TFB1M: variants seen among roughly 807,000 people sequenced by gnomAD.
TFB1M encodes the protein dimethyladenosine transferase 1, mitochondrial.
TFB1M carries 27 observed loss-of-function variants against 31.1 expected under a neutral mutation model. That is an observed-to-expected ratio of 0.87 (90% confidence interval 0.64 to 1.20). The LOEUF is 1.20. Ranked by LOEUF, TFB1M falls within the 50% of genes most tolerant of loss-of-function variation. The pLI, the probability that TFB1M is intolerant of heterozygous loss-of-function variation, is 0.00. For missense variants in TFB1M, 394 were observed against 418.7 expected, an observed-to-expected ratio of 0.94 and a Z score of 0.51; for synonymous variants, 166 against 151.8, an observed-to-expected ratio of 1.09 and a Z score of -0.69.
the TFB1M span, among the ~76,000 whole-genome samples, chr6:155,247,185 T>G: frequency 6.6e-6 from 1 of 152,218 alleles, no homozygotes; most frequent in Admixed American, 6.5e-5. Flanking sequence ...GAAAAGACAC[T>G]GCTTTCCAGA....
intron 5 of TFB1M, chr6:155,276,643 G>T: frequency 3.2e-6 from 1 of 308,934 alleles, no homozygotes; most frequent in South Asian, 7.2e-5. Context: ...CATTCATAAG[G>T]CAATTATTTG....
At chr6:155,275,874 T>C (rs988448746) in intron 5 of TFB1M, 2 of 1,614,186 alleles carry the variant, frequency 1.2e-6, no homozygotes, top group African/African-American at 1.3e-5. Context: ...GGGCTCTGGA[T>C]GGACTGTACG....
the TFB1M span, chr6:155,232,638 T>C: frequency 1.1e-4 from 16 of 152,244 alleles, no homozygotes; most frequent in African/African-American, 3.4e-4. Context: ...TCCAGGCTGA[T>C]GGCTCAGCAC....
intron 2 of TFB1M, among the ~76,000 whole-genome samples, chr6:155,308,724 G>C (rs2114813260): frequency 6.6e-6 from 1 of 152,262 alleles, no homozygotes; most frequent in African/African-American, 2.4e-5. Flanking sequence ...AAATACTGTA[G>C]GAATTGAATT....
At chr6:155,245,711 T>C in the TFB1M span, 1 of 1,609,282 alleles carries the variant, frequency 6.2e-7, no homozygotes, top group Non-Finnish European at 8.5e-7. Context: ...CATATCAAAG[T>C]ACAGAAGGTT....
chr6:155,298,643 A>G (rs1777292081), intron 2 of TFB1M, 58 bp from the exon 3 acceptor site: 2 of 1,162,964 alleles, frequency 1.7e-6, no homozygotes, highest in East Asian at 4.7e-5. Context: ...TAACAAAACT[A>G]AACTTTTTAA....
chr6:155,238,410 C>T, the TFB1M span, among the ~76,000 whole-genome samples: 1 of 152,246 alleles, frequency 6.6e-6, no homozygotes. Flanking sequence ...TGCCTGTTAC[C>T]CAGCTCTGAA....
rs1420932843 is a variant in TFB1M, at chr6:155,298,465, A to G, written c.394+12T>C. On this transcript the variant is annotated intron_variant, in intron 3 of 6. Transcript: ENST00000367166. ...TAAAAGAAATGTTTTATAACTACCC[A>G]AAAGCACTCACCATCTTCCCAGGGT... 2 of 1,424,198 alleles carry G rather than the reference A, an allele frequency of 1.4e-6. No homozygotes were observed. Among genetic ancestry groups the G allele is most frequent in the Non-Finnish European group, 2.0e-6 (2 of 1,007,136 alleles). The allele number at this position is 1,424,198 out of a possible 1,614,324, so 88.2% of individuals were successfully genotyped here. A position where few individuals can be genotyped will look rare whatever the true frequency, so the allele number is the denominator to read the frequency against.
At chr6:155,309,519 G>A (rs9384310) in intron 2 of TFB1M, among the ~76,000 whole-genome samples, 19,231 of 152,166 alleles carry the variant, frequency 0.13, 1,555 homozygotes, top group South Asian at 0.21. Flanking sequence ...GGTGGCAGTC[G>A]CTCTTTTCAA....
At chr6:155,237,983 A>C in the TFB1M span, among the ~76,000 whole-genome samples, 3 of 152,256 alleles carry the variant, frequency 2.0e-5, no homozygotes, top group Admixed American at 1.3e-4. Flanking sequence ...TCTCTTCAGA[A>C]AATGGGATTT....
At chr6:155,308,677 T>G (rs1777890500) in intron 2 of TFB1M, among the ~76,000 whole-genome samples, 1 of 152,232 alleles carries the variant, frequency 6.6e-6, no homozygotes, top group African/African-American at 2.4e-5. Flanking sequence ...TCCTGTATGT[T>G]AGCACCAGTT....
At chr6:155,282,807 A>C (rs1219865005) in intron 5 of TFB1M, among the ~76,000 whole-genome samples, 3 of 151,412 alleles carry the variant, frequency 2.0e-5, no homozygotes, top group African/African-American at 7.3e-5. Flanking sequence ...GCCTCGCTGC[A>C]AGCTCCGCCT....
chr6:155,272,375 G>A (rs193184474), intron 5 of TFB1M, among the ~76,000 whole-genome samples: 85 of 152,206 alleles, frequency 5.6e-4, no homozygotes, highest in African/African-American at 1.9e-3. Flanking sequence ...TTCTGTTGGC[G>A]AGTAGTTCAT....
In TFB1M at chr6:155,256,548, C is replaced by A. The variant is rs1238121154; in HGVS notation, c.*1288G>T. 6.2e-7 allele frequency: 1 copy of A among 1,614,202 alleles called. No individual in the cohort carries two copies. Among genetic ancestry groups the A allele is most frequent in the Admixed American group, 1.7e-5 (1 of 60,030 alleles). The stretch of plus-strand genomic sequence containing the variant: ...GCAACGAGTGGACCGGTGAGACTGG[C>A]AAGGGAACCTTGCTGGACTCTGACG... On this transcript the variant is annotated 3_prime_UTR_variant, in exon 7 of 7. Coordinates refer to ENST00000367166, the MANE Select transcript of TFB1M (RefSeq NM_016020.4).
downstream of TFB1M, among the ~76,000 whole-genome samples, chr6:155,252,487 A>T (rs767972902): frequency 6.6e-6 from 1 of 152,160 alleles, no homozygotes; most frequent in Non-Finnish European, 1.5e-5. Flanking sequence ...TAAATAAGTA[A>T]ATAAAGTAGA....
Position 155,298,569 on chromosome 6 carries a change from G to A in TFB1M, c.302C>T (p.Ala101Val). 1 of 1,611,360 alleles carries A rather than the reference G, an allele frequency of 6.2e-7. No individual in the cohort carries two copies. The highest frequency in any genetic ancestry group is 8.5e-7 in the Non-Finnish European group (1 of 1,177,762). ...IPGLQMLSDA[A>V]PGKLRIVHGD... ...ATGAACAATTCTCAGTTTCCCAGGTGCTGCATCAGAAAGCATCTAGTTTAT... is the reference window on the plus strand; with the variant it reads ...ATGAACAATTCTCAGTTTCCCAGGTACTGCATCAGAAAGCATCTAGTTTAT... The change falls in exon 3 of 7, where the codon GCA (alanine) becomes GTA (valine). Residue 101 changes from alanine (A) to valine (V), a missense_variant. Transcript: ENST00000367166.
intron 2 of TFB1M, among the ~76,000 whole-genome samples, chr6:155,309,665 T>C (rs1280177487): frequency 1.3e-5 from 2 of 152,158 alleles, no homozygotes; most frequent in African/African-American, 2.4e-5. Context: ...CAAGAAGTCT[T>C]TTTAAGAGCA....
At chr6:155,273,103 A>G (rs931379394) in intron 5 of TFB1M, among the ~76,000 whole-genome samples, 4 of 152,234 alleles carry the variant, frequency 2.6e-5, no homozygotes, top group Non-Finnish European at 5.9e-5. Flanking sequence ...AGCTGGCTGG[A>G]GTCCGAAATG....
chr6:155,272,265 G>A (rs75979782), intron 5 of TFB1M, among the ~76,000 whole-genome samples: 13,567 of 152,074 alleles, frequency 0.089, 802 homozygotes, highest in East Asian at 0.18. Context: ...TATTTAGTTC[G>A]AATTATAAGC....
Sources: gnomAD v4.1 joint callset for allele counts (sites outside exome capture counted in the v4.1 genomes callset) on GRCh38, gnomAD v4.1.1 for gene constraint, MANE v1.5 for transcripts, NCBI Gene and HGNC (gene_info 2026-07-23, HGNC 2026-07-21) for gene names.